The following ZSCAN5A variants were observed in gnomAD, a reference collection of about 807,000 sequenced individuals.
ZSCAN5A encodes zinc finger and SCAN domain containing 5A, also known as zinc finger and SCAN domain-containing protein 5A.
Under a neutral mutation model 23.7 loss-of-function variants are expected in ZSCAN5A, and 12 were observed. The ratio of observed to expected loss-of-function variants is 0.51; its 90% CI spans 0.32 to 0.82. The LOEUF is 0.82. Among genes scored for constraint, ZSCAN5A ranks in the 40% least tolerant of loss-of-function variants. ZSCAN5A has a pLI of 0.03. For missense variants in ZSCAN5A, 597 were observed against 617.9 expected (o/e 0.97, Z 0.36); for synonymous variants, 257 against 239.9 (o/e 1.07, Z -0.66).
rs1304623042 is a variant in ZSCAN5A at position 56,367,821 on chromosome 19, C to G, written c.-522+388G>C. 2.6e-5 allele frequency: 4 copies of G among 152,276 alleles called. No individual in the cohort carries two copies. In the East Asian group the frequency reaches 7.7e-4, roughly 29 times the overall value. 9.4% of individuals were successfully genotyped at this position (152,276 alleles called of 1,614,324 possible). A position where few individuals can be genotyped will look rare whatever the true frequency, so the allele number is the denominator to read the frequency against. ...CAGAGATGCATATAGGGTCACATAT[C>G]AAATCACATAACCTCACGGAGAATG... is the stretch of plus-strand genomic sequence containing the variant. On this transcript the variant is annotated intron_variant, in intron 1 of 6. Transcript: ENST00000587340.
At position 56,223,744 on chromosome 19, in the gene ZSCAN5A, T is replaced by C; in HGVS notation, c.475A>G (p.Lys159Glu). Residue 159 changes from lysine (K) to glutamate (E), a missense_variant, in exon 4 of 6, where the codon AAA (lysine) becomes GAA (glutamate). Lys to Glu is a moderately conservative substitution (Grantham distance 56, BLOSUM62 1). Around this residue, in one of 5 missense-constraint regions of ZSCAN5A, gnomAD observed 406 missense variants for 353.2 expected, o/e 1.15. Coordinates refer to ENST00000683990, the MANE Select transcript of ZSCAN5A (RefSeq NM_001322064.3). ...GAGGCCCGTTGGCTGGACACGTCTT[T>C]CAGATCATCTCTGACACTGGAGGGG... ...EAPSSVRDDL[K>E]DVSSQRASSV... The C allele has an allele frequency of 3.7e-6, 6 of 1,613,820 alleles. No homozygotes were observed. The highest frequency in any genetic ancestry group is 5.1e-6 in the Non-Finnish European group (6 of 1,179,940).
rs555172990 is a variant in ZSCAN5A at position 56,239,768 on chromosome 19, T to G, written c.-127-14595A>C. Among the ~76,000 whole-genome samples, 8 of 152,348 alleles carry G rather than the reference T, an allele frequency of 5.3e-5. No individual in the cohort carries two copies. The South Asian group carries it at 1.7e-3, about 32-fold the overall frequency. On this transcript the variant is annotated intron_variant, in intron 2 of 5. Coordinates refer to ENST00000683990, the MANE Select transcript of ZSCAN5A (RefSeq NM_001322064.3). ...GTGAAAGGCTTTGCTTAAACTGCATTAAATCACTGGTTTGATATTAATCCA... is the reference window on the plus strand; with the variant it reads ...GTGAAAGGCTTTGCTTAAACTGCATGAAATCACTGGTTTGATATTAATCCA...
At position 56,305,557 on chromosome 19, in the gene ZSCAN5A, ATC is replaced by A. The variant is rs1331006747; in HGVS notation, c.-128+7724_-128+7725del. ...TGCTATGAACAAGTTATGTTAGAAT[ATC>A]TGTTTTAAAATCTTTTGGGGTACAA... On this transcript the variant is annotated intron_variant, in intron 2 of 5. Coordinates refer to ENST00000683990, the MANE Select transcript of ZSCAN5A (RefSeq NM_001322064.3). Among the ~76,000 whole-genome samples, 2 of 152,160 alleles carry A rather than the reference ATC, an allele frequency of 1.3e-5. 1 individual carries two copies. The highest frequency in any genetic ancestry group is 2.9e-5 in the Non-Finnish European group (2 of 68,044).
chr19:56,313,086 T>C (rs1262346531), intron 2 of ZSCAN5A, among the ~76,000 whole-genome samples, 197 bp downstream of exon 2: 2 of 152,258 alleles, frequency 1.3e-5, no homozygotes, highest in East Asian at 3.8e-4. Context: ...TAGGAAGCTC[T>C]TGTCTTTTCT....
At chr19:56,363,380 C>T (rs2041746134) in exon 2 of ZSCAN5A, 1 of 152,158 alleles carries the variant, frequency 6.6e-6, no homozygotes, top group Admixed American at 6.5e-5. Flanking sequence ...CTCATGTTCT[C>T]ATGCTTGTGG....
intron 2 of ZSCAN5A, among the ~76,000 whole-genome samples, chr19:56,262,781 T>C (rs1408349338): frequency 2.0e-5 from 3 of 152,246 alleles, no homozygotes; most frequent in Admixed American, 6.5e-5. Context: ...TGTGGTTGTA[T>C]GTATCGATAG....
At chr19:56,280,746 C>T (rs1384777502) in intron 2 of ZSCAN5A, 1 of 152,144 alleles carries the variant, frequency 6.6e-6, no homozygotes. Flanking sequence ...AGACAGAGAG[C>T]TCAGAGCTTC....
intron 2 of ZSCAN5A, chr19:56,321,209 T>C: frequency 1.5e-6 from 1 of 667,326 alleles, no homozygotes; most frequent in Non-Finnish European, 2.8e-6. Flanking sequence ...TAATATCTTC[T>C]TCTGAAGGAC....
chr19:56,326,305 TTGTGTGTGTG>T (rs368735639), intron 2 of ZSCAN5A, among the ~76,000 whole-genome samples: 47 of 145,628 alleles, frequency 3.2e-4, no homozygotes, highest in African/African-American at 9.5e-4. Flanking sequence ...ACAGTTACCA[TTGTGTGTGTG>T]TGTGTGTGTG....
chr19:56,326,304 A>ATTGT (rs1457460828), intron 2 of ZSCAN5A, among the ~76,000 whole-genome samples: 1 of 118,348 alleles, frequency 8.4e-6, no homozygotes, highest in Non-Finnish European at 1.7e-5. Context: ...CACAGTTACC[A>ATTGT]TTGTGTGTGT....
chr19:56,350,527 T>C (rs1431649344), intron 2 of ZSCAN5A, among the ~76,000 whole-genome samples: 1 of 152,236 alleles, frequency 6.6e-6, no homozygotes, highest in Non-Finnish European at 1.5e-5. Context: ...ATATTGCAAG[T>C]TGTAAAAATG....
intron 2 of ZSCAN5A, among the ~76,000 whole-genome samples, chr19:56,256,425 C>T (rs2036696611): frequency 1.3e-5 from 2 of 152,154 alleles, no homozygotes; most frequent in Non-Finnish European, 2.9e-5. Context: ...AACTCCTGAG[C>T]TCAAGTGATC....
At chr19:56,232,985 T>C (rs2034595328) in intron 2 of ZSCAN5A, among the ~76,000 whole-genome samples, 1 of 152,226 alleles carries the variant, frequency 6.6e-6, no homozygotes. Flanking sequence ...TCTGACTATA[T>C]GGGCTTATTT....
intron 2 of ZSCAN5A, among the ~76,000 whole-genome samples, chr19:56,276,955 C>T (rs115814137): frequency 6.6e-6 from 1 of 151,908 alleles, no homozygotes; most frequent in Non-Finnish European, 1.5e-5. Flanking sequence ...TTTACAAAAA[C>T]TATTTCTATT....
At chr19:56,298,067 C>CA (rs58825017) in intron 2 of ZSCAN5A, 7,623 of 67,788 alleles carry the variant, frequency 0.11, 608 homozygotes, top group African/African-American at 0.29. Context: ...GAGCAAGTCT[C>CA]AAAAAAAAAA....
intron 2 of ZSCAN5A, among the ~76,000 whole-genome samples, chr19:56,349,257 C>G (rs1276444489): frequency 6.6e-6 from 1 of 152,094 alleles, no homozygotes; most frequent in African/African-American, 2.4e-5. Context: ...AGGAAGGGCC[C>G]TACACTGTTG....
At chr19:56,347,522 A>T (rs1477143880) in intron 2 of ZSCAN5A, 1 of 152,218 alleles carries the variant, frequency 6.6e-6, no homozygotes, top group Non-Finnish European at 1.5e-5. Context: ...TGAAGGAGCC[A>T]AGATGGTGTC....
chr19:56,333,403 C>T (rs2041507031), intron 2 of ZSCAN5A, among the ~76,000 whole-genome samples: 1 of 151,472 alleles, frequency 6.6e-6, no homozygotes, highest in South Asian at 2.1e-4. Context: ...GACTTCAATT[C>T]CGAAATTCGT....
chr19:56,351,611 C>T lies in ZSCAN5A; in HGVS notation c.-358+11624G>A, dbSNP rs976322140. On this transcript the variant is annotated intron_variant, in intron 2 of 6. Coordinates refer to the ZSCAN5A transcript ENST00000587340. This position sits in a 1 kb window ranked among gnomAD's most constrained non-coding sequence, Gnocchi z 4.8. ...TCTCTTCTTTCTTCCTTCTTACTTG[C>T]TATTAAACTTTTCACTCCTTAAAAC... Among the ~76,000 whole-genome samples, 3 of 152,104 alleles carry T rather than the reference C, an allele frequency of 2.0e-5. No homozygotes were observed. Among genetic ancestry groups the T allele is most frequent in the Non-Finnish European group, 4.4e-5 (3 of 68,012 alleles).
Sources: allele counts gnomAD v4.1 joint callset (sites outside exome capture counted in the v4.1 genomes callset), GRCh38; gene constraint gnomAD v4.1.1; regional missense constraint gnomAD v4.1.1; non-coding constraint Gnocchi (gnomAD v3.1); transcripts MANE v1.5; gene names NCBI Gene and HGNC (gene_info 2026-07-23, HGNC 2026-07-21).